PPP1R9A: variants seen among roughly 807,000 people sequenced by gnomAD.
The protein encoded by PPP1R9A is protein phosphatase 1 regulatory subunit 9A.
A neutral mutation model predicts 141.9 loss-of-function variants in PPP1R9A; 59 were observed. The ratio of observed to expected loss-of-function variants is 0.42; its 90% confidence interval spans 0.34 to 0.52. The LOEUF is 0.52. PPP1R9A is among the 20% of genes least tolerant of loss of function. PPP1R9A has a pLI of 0.10. For synonymous variants in PPP1R9A, 500 were observed against 569.7 expected, an observed-to-expected ratio of 0.88 and a Z score of 1.74; for missense variants, 1,444 against 1,611.9, an observed-to-expected ratio of 0.90 and a Z score of 1.78.
intron 2 of PPP1R9A, among the ~76,000 whole-genome samples, 193 bp downstream of exon 2, chr7:94,911,701 G>A (rs887262995): frequency 3.9e-5 from 6 of 152,096 alleles, no homozygotes; most frequent in Non-Finnish European, 8.8e-5. Context: ...TTTCTTAAAT[G>A]TGCTTTATAA....
intron 7 of PPP1R9A, among the ~76,000 whole-genome samples, chr7:95,206,085 G>A (rs1411046514): frequency 6.6e-6 from 1 of 152,160 alleles, no homozygotes; most frequent in Non-Finnish European, 1.5e-5. Flanking sequence ...ACCTGCAGTT[G>A]AAACAGAATA....
intron 2 of PPP1R9A, among the ~76,000 whole-genome samples, chr7:95,076,929 T>C (rs923831916): frequency 2.6e-5 from 4 of 152,100 alleles, no homozygotes; most frequent in Non-Finnish European, 5.9e-5. Flanking sequence ...CAAATTATAG[T>C]TTTATCTCTT....
intron 4 of PPP1R9A, among the ~76,000 whole-genome samples, chr7:95,138,361 A>G (rs1826057495): frequency 6.6e-6 from 1 of 152,250 alleles, no homozygotes; most frequent in Admixed American, 6.5e-5. Flanking sequence ...GTTTCACACC[A>G]TATACAAAGT....
In PPP1R9A at chr7:95,170,260, C is replaced by T. The variant is rs142689684; in HGVS notation, c.1754+8289C>T. ...GGCATAATTATAAGCTACTAATATA[C>T]GCTTTTGGAATCTCAGAAGGTTAGA... is the stretch of plus-strand genomic sequence containing the variant. On this transcript the variant is annotated intron_variant, in intron 5 of 19. Transcript: ENST00000433360. Among the ~76,000 whole-genome samples, 1,298 of 151,678 alleles carry T rather than the reference C, an allele frequency of 8.6e-3. 15 individuals carry two copies. The highest frequency in any genetic ancestry group is 0.027 in the African/African-American group (1,121 of 41,496).
At chr7:94,907,454 G>C (rs2150549463), upstream of PPP1R9A, 1 of 152,568 alleles carries the variant, frequency 6.6e-6, no homozygotes, top group East Asian at 1.9e-4. Flanking sequence ...TGCAGACTCA[G>C]ACTAAGTGGG....
At chr7:95,056,241 A>G (rs749246816) in intron 2 of PPP1R9A, among the ~76,000 whole-genome samples, 1 of 152,126 alleles carries the variant, frequency 6.6e-6, no homozygotes, top group South Asian at 2.1e-4. Context: ...AGAAGTTCTT[A>G]TCTAAACAAT....
intron 6 of PPP1R9A, among the ~76,000 whole-genome samples, chr7:95,202,019 T>G (rs541285053): frequency 3.7e-4 from 57 of 152,224 alleles, no homozygotes; most frequent in Non-Finnish European, 6.5e-4. Flanking sequence ...AGAGGGTATT[T>G]GCTTGCTTGC....
rs1412360991 is a variant in PPP1R9A, at chr7:94,911,234, C to T, written c.1121C>T (p.Ala374Val). The T allele has an allele frequency of 3.7e-6, 6 of 1,614,204 alleles. No homozygotes were observed. The highest frequency in any genetic ancestry group is 1.7e-5 in the Admixed American group (1 of 60,024). ...LAGGDFTSPD[A>V]SASSCGKEVP... Reference sequence around the variant, plus strand: ...GGTGGTGATTTCACCTCTCCTGATGCTTCTGCATCCAGTTGTGGAAAAGAA... The same window carrying T: ...GGTGGTGATTTCACCTCTCCTGATGTTTCTGCATCCAGTTGTGGAAAAGAA... Residue 374 changes from alanine to valine, a missense_variant, in exon 2 of 20, where the codon GCT (alanine) becomes GTT (valine). Physicochemically the swap from Ala to Val is moderately conservative, Grantham distance 64. This residue lies in a region of PPP1R9A where 490 missense variants were observed against 521.1 expected (regional missense o/e 0.94). Transcript: ENST00000433360.
At chr7:95,203,481 G>GT (rs1406168750) in intron 6 of PPP1R9A, among the ~76,000 whole-genome samples, 184 bp from the exon 7 acceptor site, 1 of 152,040 alleles carries the variant, frequency 6.6e-6, no homozygotes, top group Admixed American at 6.6e-5. Context: ...ACTTTATACT[G>GT]TATCTATAAT....
chr7:95,139,419 A>C (rs1381223652), intron 4 of PPP1R9A, among the ~76,000 whole-genome samples: 1 of 152,186 alleles, frequency 6.6e-6, no homozygotes, highest in Non-Finnish European at 1.5e-5. Context: ...TTACAATTTA[A>C]GATGAGATTA....
intron 4 of PPP1R9A, among the ~76,000 whole-genome samples, chr7:95,124,925 GT>G (rs1466290270): frequency 6.6e-6 from 1 of 151,996 alleles, no homozygotes; most frequent in East Asian, 1.9e-4. Context: ...ATTTTGAGTA[GT>G]TTAAAAAATT....
At chr7:95,257,196 A>C (rs957846638) in intron 12 of PPP1R9A, among the ~76,000 whole-genome samples, 1 of 152,172 alleles carries the variant, frequency 6.6e-6, no homozygotes, top group Admixed American at 6.5e-5. Flanking sequence ...ACTGAGATTC[A>C]TTATGAAGTA....
At chr7:95,255,778 T>C (rs1410202963) in intron 12 of PPP1R9A, among the ~76,000 whole-genome samples, 1 of 152,158 alleles carries the variant, frequency 6.6e-6, no homozygotes, top group East Asian at 1.9e-4. Flanking sequence ...ATGGTCTTTA[T>C]GTTGAAAAGG....
chr7:94,947,226 C>T (rs1337771698), intron 2 of PPP1R9A, among the ~76,000 whole-genome samples: 1 of 152,156 alleles, frequency 6.6e-6, no homozygotes, highest in Non-Finnish European at 1.5e-5. Flanking sequence ...CAGGGACAGA[C>T]ATTGGCTTGC....
At chr7:95,113,486 T>C (rs1046967310) in intron 3 of PPP1R9A, among the ~76,000 whole-genome samples, 2 of 152,132 alleles carry the variant, frequency 1.3e-5, no homozygotes, top group Non-Finnish European at 2.9e-5. Flanking sequence ...AATCCTAATA[T>C]TCAAAGATAA....
chr7:94,985,581 A>G (rs1462085638), intron 2 of PPP1R9A, among the ~76,000 whole-genome samples: 1 of 152,062 alleles, frequency 6.6e-6, no homozygotes, highest in East Asian at 1.9e-4. Flanking sequence ...TATGTGATGG[A>G]CTTCTTTGTT....
At chr7:95,138,536 T>C (rs947440017) in intron 4 of PPP1R9A, among the ~76,000 whole-genome samples, 11 of 152,196 alleles carry the variant, frequency 7.2e-5, no homozygotes, top group African/African-American at 2.7e-4. Context: ...AACTTCATTA[T>C]ATCCAAATTT....
At chr7:95,143,477 C>G (rs1827055937) in intron 4 of PPP1R9A, among the ~76,000 whole-genome samples, 1 of 152,082 alleles carries the variant, frequency 6.6e-6, no homozygotes, top group Non-Finnish European at 1.5e-5. Flanking sequence ...ATTTTAAACA[C>G]GTACCCCCAG....
In PPP1R9A at chr7:95,128,963, A is replaced by G. The variant is rs191884796; in HGVS notation, c.1649+8131A>G. Among the ~76,000 whole-genome samples, 340 of 152,264 alleles carry G rather than the reference A, an allele frequency of 2.2e-3. 1 individual carries two copies. The highest frequency in any genetic ancestry group is 7.9e-3 in the African/African-American group (328 of 41,564). On this transcript the variant is annotated intron_variant, in intron 4 of 19. Transcript: ENST00000433360. ...AATGGTGTTTCCTAGGTTTTCGTCT[A>G]TGATTCTTATAGTTTGAGGTCTTAC...
Sources: gnomAD v4.1 joint callset for allele counts (sites outside exome capture counted in the v4.1 genomes callset) on GRCh38, gnomAD v4.1.1 for gene constraint, gnomAD v4.1.1 regional missense constraint, MANE v1.5 for transcripts, NCBI Gene and HGNC (gene_info 2026-07-23, HGNC 2026-07-21) for gene names.